The following RHOT1 variants were observed in gnomAD, a reference collection of about 807,000 sequenced individuals.
RHOT1 encodes ras homolog family member T1, also known as mitochondrial Rho GTPase 1.
In RHOT1, 27 loss-of-function variants were observed where a neutral mutation model predicts 95.3. The ratio of observed to expected loss-of-function variants is 0.28; its 90% CI spans 0.21 to 0.39. RHOT1 has a LOEUF of 0.39. Ranked by LOEUF, RHOT1 falls within the 10% of genes least tolerant of loss-of-function variation. RHOT1 has a pLI of 1.00. For synonymous variants in RHOT1, 227 were observed against 263.5 expected, an observed-to-expected ratio of 0.86 and a Z score of 1.34; for missense variants, 578 against 786.7, an observed-to-expected ratio of 0.73 and a Z score of 3.17.
chr17:32,202,923 A>G (rs753712345), intron 15 of RHOT1, 23 bp downstream of exon 15: 1 of 1,600,092 alleles, frequency 6.2e-7, no homozygotes, highest in Non-Finnish European at 8.5e-7. Flanking sequence ...GTAAAATACA[A>G]TTTTATCCAA....
At position 32,174,333 on chromosome 17, in the gene RHOT1, C is replaced by T. The variant is rs187530393; in HGVS notation, c.178+421C>T. Among the ~76,000 whole-genome samples the T allele has an allele frequency of 5.3e-4, 81 of 152,180 alleles. 2 individuals are homozygous for T. The highest frequency in any genetic ancestry group is 3.1e-3 in the Admixed American group (48 of 15,278). On this transcript the variant is annotated intron_variant, in intron 3 of 19. Transcript: ENST00000545287. ...TGGGTTAAATGAAAATTTAATTTTA[C>T]CTTTTTTACTTACCTTTTTAAAGGT... is the stretch of plus-strand genomic sequence containing the variant.
At chr17:32,223,432 T>G (rs2038953108) in intron 19 of RHOT1, among the ~76,000 whole-genome samples, 1 of 150,904 alleles carries the variant, frequency 6.6e-6, no homozygotes, top group Non-Finnish European at 1.5e-5. Context: ...TTTTTTTTTT[T>G]GCGATAGAGT....
chr17:32,170,225 G>A (rs2034464666), intron 1 of RHOT1, among the ~76,000 whole-genome samples: 1 of 152,072 alleles, frequency 6.6e-6, no homozygotes, highest in South Asian at 2.1e-4. Context: ...GACCAGCCTG[G>A]CCAACATGGG....
Position 32,195,072 on chromosome 17 carries a change from G to A in RHOT1, c.869+965G>A, listed in dbSNP as rs796639067. Among the ~76,000 whole-genome samples the A allele has an allele frequency of 7.3e-5, 11 of 151,186 alleles. 1 individual carries two copies. Among genetic ancestry groups the A allele is most frequent in the African/African-American group, 1.9e-4 (8 of 41,272 alleles). ...GATCTCCTGACCTCGTGATCCACCC[G>A]CCTCAGCCTCCCAAAGTGCTGGGAT... On this transcript the variant is annotated intron_variant, in intron 11 of 19. Coordinates refer to ENST00000545287, the MANE Select transcript of RHOT1 (RefSeq NM_001033566.3).
chr17:32,162,240 C>A (rs2142451897), intron 1 of RHOT1, among the ~76,000 whole-genome samples: 1 of 152,222 alleles, frequency 6.6e-6, no homozygotes, highest in East Asian at 1.9e-4. Context: ...CGTGAGTCAC[C>A]TCATTAGGAT....
At chr17:32,166,859 C>T (rs1430686777) in intron 1 of RHOT1, among the ~76,000 whole-genome samples, 2 of 152,322 alleles carry the variant, frequency 1.3e-5, no homozygotes, top group African/African-American at 2.4e-5. Flanking sequence ...TTGGAACCAA[C>T]TTCTTCCAAA....
intron 1 of RHOT1, among the ~76,000 whole-genome samples, chr17:32,164,086 C>T (rs1044913094): frequency 7.9e-5 from 12 of 152,006 alleles, no homozygotes; most frequent in African/African-American, 1.7e-4. Flanking sequence ...ATCCAGGAGG[C>T]GGAGGTTGCA....
chr17:32,192,169 A>C (rs1320326699), intron 8 of RHOT1, 32 bp from the exon 9 acceptor site: 1 of 1,044,018 alleles, frequency 9.6e-7, no homozygotes, highest in East Asian at 2.4e-5. Context: ...ATCACAGTTT[A>C]AACAATTATT....
chr17:32,190,609 AATT>A (rs1316395295), intron 8 of RHOT1, among the ~76,000 whole-genome samples: 1 of 152,196 alleles, frequency 6.6e-6, no homozygotes, highest in Non-Finnish European at 1.5e-5. Context: ...GAAACATTTA[AATT>A]ATTAAACTTT....
At position 32,149,565 on chromosome 17, in the gene RHOT1, G is replaced by A. The variant is rs186704756; in HGVS notation, c.37+6836G>A. 4.1e-3 allele frequency among the ~76,000 whole-genome samples: 461 copies of A among 111,188 alleles called. 3 individuals are homozygous for A. Among genetic ancestry groups the A allele is most frequent in the African/African-American group, 0.017 (443 of 25,618 alleles). The allele number at this position is 111,188 out of a possible 152,430, so 72.9% of individuals were successfully genotyped here. On this transcript the variant is annotated intron_variant, in intron 1 of 19. Transcript: ENST00000545287. Reference sequence around the variant, plus strand: ...TCTCAGCACTTTGGGAGGCCGAGGCGGGTGAATCACTTGAGCCCAGCAGTT... The same window carrying A: ...TCTCAGCACTTTGGGAGGCCGAGGCAGGTGAATCACTTGAGCCCAGCAGTT...
At chr17:32,167,382 A>G (rs776056488) in intron 1 of RHOT1, among the ~76,000 whole-genome samples, 18 of 150,800 alleles carry the variant, frequency 1.2e-4, no homozygotes, top group Non-Finnish European at 2.4e-4. Flanking sequence ...GCTAGAGTGC[A>G]GTAGTGCAAT....
At chr17:32,172,594 A>T (rs1393356326) in intron 2 of RHOT1, among the ~76,000 whole-genome samples, 2 of 152,240 alleles carry the variant, frequency 1.3e-5, no homozygotes, top group Non-Finnish European at 2.9e-5. Flanking sequence ...GCACTTTGGG[A>T]GGCTGAGGTG....
In RHOT1 at chr17:32,172,039, A is replaced by T. The variant is rs186251886; in HGVS notation, c.96+938A>T. On this transcript the variant is annotated intron_variant, in intron 2 of 19. Transcript: ENST00000545287. ...ATGAAATTTGTGCAATGGGATGAAA[A>T]TGATTTCAAATTACCCTCTTTCTTG... is the stretch of plus-strand genomic sequence containing the variant. Among the ~76,000 whole-genome samples the T allele has an allele frequency of 3.9e-5, 6 of 152,350 alleles. No individual in the cohort carries two copies. In the East Asian group the frequency reaches 9.6e-4, roughly 24 times the overall value.
At chr17:32,172,554 T>G (rs2034663081) in intron 2 of RHOT1, among the ~76,000 whole-genome samples, 1 of 152,226 alleles carries the variant, frequency 6.6e-6, no homozygotes, top group Admixed American at 6.5e-5. Context: ...AAGGCTTGGC[T>G]GGGCGCAGTG....
At chr17:32,171,150 C>A in intron 2 of RHOT1, 49 bp downstream of exon 2, 1 of 1,264,056 alleles carries the variant, frequency 7.9e-7, no homozygotes, top group Non-Finnish European at 1.1e-6. Context: ...TTATCAAAAT[C>A]AAATTAAAAT....
chr17:32,186,724 T>C (rs2036089116), intron 8 of RHOT1, among the ~76,000 whole-genome samples: 1 of 152,094 alleles, frequency 6.6e-6, no homozygotes, highest in Admixed American at 6.5e-5. Context: ...TACAGTGGCA[T>C]GATCATGGCT....
chr17:32,149,625 A>ATGTG (rs1454201227), intron 1 of RHOT1, among the ~76,000 whole-genome samples: 13 of 88,316 alleles, frequency 1.5e-4, no homozygotes, highest in Admixed American at 3.3e-4. Context: ...ATATATATAT[A>ATGTG]TATATATATA....
At chr17:32,191,559 CA>C (rs2036490099) in intron 8 of RHOT1, among the ~76,000 whole-genome samples, 1 of 151,968 alleles carries the variant, frequency 6.6e-6, no homozygotes, top group African/African-American at 2.4e-5. Context: ...AATCATAAAA[CA>C]AAAATGAAGG....
chr17:32,204,633 A>T (rs1231561240), intron 16 of RHOT1, among the ~76,000 whole-genome samples: 4 of 146,902 alleles, frequency 2.7e-5, no homozygotes, highest in African/African-American at 1.1e-4. Flanking sequence ...ATTTAAAAAA[A>T]TTAAAAAAAA....
Sources: gnomAD v4.1 joint callset for allele counts (sites outside exome capture counted in the v4.1 genomes callset) on GRCh38, gnomAD v4.1.1 for gene constraint, MANE v1.5 for transcripts, NCBI Gene and HGNC (gene_info 2026-07-23, HGNC 2026-07-21) for gene names.